The following FHIP2A variants were observed in gnomAD, a reference collection of about 807,000 sequenced individuals.
The protein encoded by FHIP2A is FHF complex subunit HOOK interacting protein 2A.
Under a neutral mutation model 93.5 loss-of-function variants are expected in FHIP2A, and 46 were observed. The ratio of observed to expected loss-of-function variants is 0.49; its 90% CI spans 0.39 to 0.63. FHIP2A has a LOEUF of 0.63. Ranked by LOEUF, FHIP2A falls within the 20% of genes least tolerant of loss-of-function variation. The pLI is 0.00. For missense variants in FHIP2A, 769 were observed against 909.7 expected (o/e 0.85, Z 1.99); for synonymous variants, 332 against 326.5 (o/e 1.02, Z -0.18).
chr10:114,842,945 T>C lies in FHIP2A; in HGVS notation c.535T>C (p.Ser179Pro). 1.3e-6 allele frequency: 2 copies of C among 1,596,280 alleles called. No individual in the cohort carries two copies. Among genetic ancestry groups the C allele is most frequent in the Non-Finnish European group, 1.7e-6 (2 of 1,165,826 alleles). Residue 179 changes from serine (S) to proline (P), a missense_variant, in exon 6 of 17, where the codon TCA becomes CCA. Coordinates refer to ENST00000369248, the MANE Select transcript of FHIP2A (RefSeq NM_020940.4). ...VNFFLENKMK[S>P]LASKGVPNVI... ...TATTCCTTTTCAGAATAAGATGAAA[T>C]CATTGGCTTCCAAAGGAGTACCAAA...
intron 16 of FHIP2A, among the ~76,000 whole-genome samples, chr10:114,879,478 G>A (rs1241471335): frequency 6.6e-6 from 1 of 152,134 alleles, no homozygotes; most frequent in Non-Finnish European, 1.5e-5. Flanking sequence ...CATACTCTGA[G>A]CACTAATACT....
intron 16 of FHIP2A, among the ~76,000 whole-genome samples, chr10:114,876,174 C>T (rs2083888393): frequency 6.6e-6 from 1 of 152,166 alleles, no homozygotes; most frequent in Non-Finnish European, 1.5e-5. Flanking sequence ...CTCCTCTCCC[C>T]TCTCTACCTT....
chr10:114,869,859 C>A (rs886308282), intron 16 of FHIP2A, among the ~76,000 whole-genome samples: 4 of 152,154 alleles, frequency 2.6e-5, no homozygotes, highest in African/African-American at 9.7e-5. Context: ...TGGTTGGAGT[C>A]TTTTCATGCA....
At position 114,860,905 on chromosome 10, in the gene FHIP2A, T is replaced by A. The variant is rs2083794456; in HGVS notation, c.2088+16T>A. The A allele has an allele frequency of 1.2e-6, 2 of 1,607,442 alleles. No homozygotes were observed. The highest frequency in any genetic ancestry group is 2.7e-5 in the African/African-American group (2 of 74,778). ...AATTGTCAGGGTGAGTTACTAGTTC[T>A]GTTATATTCCCTAGGATTGATAAAT... On this transcript the variant is annotated intron_variant, in intron 15 of 16. Transcript: ENST00000369248.
At chr10:114,849,719 A>G (rs2083723501) in intron 13 of FHIP2A, among the ~76,000 whole-genome samples, 1 of 152,326 alleles carries the variant, frequency 6.6e-6, no homozygotes, top group East Asian at 1.9e-4. Context: ...GAAGATTGCT[A>G]TCACCCCAGA....
Position 114,830,904 on chromosome 10 carries a change from T to G in FHIP2A, c.98T>G (p.Ile33Ser). ...QEDFVYHWKAITHYYIETSDD... is the reference protein window; with the variant it reads ...QEDFVYHWKASTHYYIETSDD... ...GATTTTGTTTATCACTGGAAGGCAA[T>G]TACCCATTACTACATAGAGACTTCA... Residue 33 changes from isoleucine (I) to serine (S), a missense_variant, in exon 2 of 17, where the codon ATT (isoleucine) becomes AGT (serine). Coordinates refer to ENST00000369248, the MANE Select transcript of FHIP2A (RefSeq NM_020940.4). 2 of 1,608,378 alleles carry G rather than the reference T, an allele frequency of 1.2e-6. No homozygotes were observed. Among genetic ancestry groups the G allele is most frequent in the South Asian group, 2.2e-5 (2 of 89,962 alleles).
intron 16 of FHIP2A, among the ~76,000 whole-genome samples, chr10:114,885,555 G>T (rs75444726): frequency 6.6e-6 from 1 of 152,118 alleles, no homozygotes; most frequent in African/African-American, 2.4e-5. Flanking sequence ...CCAGGTTTTT[G>T]ACACTAAACA....
At chr10:114,857,938 A>C (rs1054817405) in intron 14 of FHIP2A, among the ~76,000 whole-genome samples, 2 of 152,236 alleles carry the variant, frequency 1.3e-5, no homozygotes, top group African/African-American at 4.8e-5. Context: ...AAGGAGGCCA[A>C]ATCTTGTCCC....
Position 114,839,881 on chromosome 10 carries a change from C to CAAAAA in FHIP2A, c.523-3036_523-3032dup, listed in dbSNP as rs10612399. Reference sequence around the variant, plus strand: ...TGGGCGACAGAGCGAGACTCTGTCTCAAAAAAAAAAAAAAAAAAAAGAAAA... The same window carrying CAAAAA: ...TGGGCGACAGAGCGAGACTCTGTCTCAAAAAAAAAAAAAAAAAAAAAAAAAGAAAA... On this transcript the variant is annotated intron_variant, in intron 5 of 16. Transcript: ENST00000369248. Among the ~76,000 whole-genome samples the CAAAAA allele has an allele frequency of 1.4e-3, 136 of 94,636 alleles. 1 individual carries two copies. The highest frequency in any genetic ancestry group is 6.3e-3 in the Middle Eastern group (1 of 160). 62.1% of individuals were successfully genotyped at this position (94,636 alleles called of 152,430 possible).
At chr10:114,851,617 A>G (rs2083736500) in intron 13 of FHIP2A, among the ~76,000 whole-genome samples, 1 of 147,816 alleles carries the variant, frequency 6.8e-6, no homozygotes, top group Non-Finnish European at 1.5e-5. Context: ...ATTGAGAAAT[A>G]TGAATCCTTC....
intron 12 of FHIP2A, 115 bp from the exon 13 acceptor site, chr10:114,848,532 T>C: frequency 1.5e-6 from 1 of 650,674 alleles, no homozygotes; most frequent in East Asian, 2.7e-5. Flanking sequence ...TTAGTACTTA[T>C]AAAGTTATTA....
chr10:114,893,685 C>CTG (rs143279571), intron 16 of FHIP2A, among the ~76,000 whole-genome samples: 17 of 151,286 alleles, frequency 1.1e-4, no homozygotes, highest in South Asian at 2.1e-4. Context: ...ATGTGGTATT[C>CTG]TGTGTGTGTG....
chr10:114,821,800 C>G lies in FHIP2A; in HGVS notation c.-279C>G, dbSNP rs2083524056. The G allele has an allele frequency of 5.5e-6, 1 of 181,968 alleles. No individual in the cohort carries two copies. Among genetic ancestry groups the G allele is most frequent in the Non-Finnish European group, 1.1e-5 (1 of 88,256 alleles). 11.3% of individuals were successfully genotyped at this position (181,968 alleles called of 1,614,324 possible). On this transcript the variant is annotated 5_prime_UTR_variant, in exon 1 of 17. Coordinates refer to ENST00000369248, the MANE Select transcript of FHIP2A (RefSeq NM_020940.4). ...AACCCGAGCCGGGCTGCCACCGTGT[C>G]CCAACCGGTGCCGCCGCCGGAGCTT...
chr10:114,861,114 T>A, intron 15 of FHIP2A, 117 bp from the exon 16 acceptor site: 1 of 1,289,754 alleles, frequency 7.8e-7, no homozygotes, highest in Non-Finnish European at 1.1e-6. Context: ...ATTATATGAG[T>A]AGTGAAAGTT....
Position 114,833,269 on chromosome 10 carries a change from C to T in FHIP2A, c.161C>T (p.Ser54Leu), listed in dbSNP as rs149318547. 653 of 1,611,544 alleles carry T rather than the reference C, an allele frequency of 4.1e-4. 7 individuals carry two copies. In the South Asian group the frequency reaches 6.7e-3, roughly 17 times the overall value. ...KAPVTDTNIPSHLEQMLDILV... is the reference protein window; with the variant it reads ...KAPVTDTNIPLHLEQMLDILV... The stretch of plus-strand genomic sequence containing the variant: ...CCAGTGACCGATACAAATATTCCAT[C>T]GCATCTGGAACAGATGTTAGATATA... The change falls in exon 3 of 17, where the codon TCG becomes TTG. Residue 54 changes from serine (S) to leucine (L), a missense_variant. Ser to Leu is a moderately radical substitution (Grantham distance 145, BLOSUM62 -2). Coordinates refer to ENST00000369248, the MANE Select transcript of FHIP2A (RefSeq NM_020940.4).
chr10:114,841,571 C>T (rs1285697219), intron 5 of FHIP2A, among the ~76,000 whole-genome samples: 2 of 152,114 alleles, frequency 1.3e-5, no homozygotes, highest in Non-Finnish European at 2.9e-5. Context: ...GGATGTGAGC[C>T]ACTGCACCCG....
At chr10:114,830,241 G>A (rs1038343792) in intron 1 of FHIP2A, among the ~76,000 whole-genome samples, 11 of 131,254 alleles carry the variant, frequency 8.4e-5, no homozygotes, top group African/African-American at 3.2e-4. Flanking sequence ...ATATTGTTTC[G>A]TTTTCATTTA....
chr10:114,891,219 AATAT>A (rs67046628), intron 16 of FHIP2A, among the ~76,000 whole-genome samples: 33 of 138,442 alleles, frequency 2.4e-4, no homozygotes, highest in Admixed American at 7.5e-4. Flanking sequence ...AACAACAACA[AATAT>A]ATATATATAT....
Position 114,891,537 on chromosome 10 carries a change from A to ATGTGTGTGTGTGTG in FHIP2A, c.2193-7930_2193-7917dup, listed in dbSNP as rs34032569. 5.4e-3 allele frequency among the ~76,000 whole-genome samples: 736 copies of ATGTGTGTGTGTGTG among 137,176 alleles called. 4 individuals are homozygous for ATGTGTGTGTGTGTG. The highest frequency in any genetic ancestry group is 0.019 in the African/African-American group (659 of 35,276). The allele number at this position is 137,176 out of a possible 152,430, so 90.0% of individuals were successfully genotyped here. ...GCCACAAGGGTGAATATATATATAT[A>ATGTGTGTGTGTGTG]TGTGTGTGTGTGTGTGTGTGTGTGT... On this transcript the variant is annotated intron_variant, in intron 16 of 16. Coordinates refer to the FHIP2A transcript ENST00000369250.
Sources: allele counts gnomAD v4.1 joint callset (sites outside exome capture counted in the v4.1 genomes callset), GRCh38; gene constraint gnomAD v4.1.1; transcripts MANE v1.5; gene names NCBI Gene and HGNC (gene_info 2026-07-23, HGNC 2026-07-21).